The following MYO16 variants were observed in gnomAD, a reference collection of about 807,000 sequenced individuals.
MYO16 encodes unconventional myosin-XVI.
In MYO16, 94 loss-of-function variants were observed where a neutral mutation model predicts 205.3. The ratio of observed to expected loss-of-function variants is 0.46; its 90% CI spans 0.39 to 0.54. The LOEUF (loss-of-function observed/expected upper bound fraction) is 0.54. MYO16 is among the 20% of genes least tolerant of loss of function. MYO16 has a pLI of 0.00. For missense variants in MYO16, 2,315 were observed against 2,387.5 expected (o/e 0.97, Z 0.63); for synonymous variants, 988 against 954.0 (o/e 1.04, Z -0.66).
At chr13:109,156,427 T>C (rs1366776053) in intron 32 of MYO16, among the ~76,000 whole-genome samples, 1 of 152,220 alleles carries the variant, frequency 6.6e-6, no homozygotes, top group African/African-American at 2.4e-5. Context: ...GAATGAGTTA[T>C]AGCCAGTATG....
In MYO16 at chr13:109,055,069, T is replaced by G. The variant is rs373764246; in HGVS notation, c.3072T>G (p.Ser1024=). ...LSKLLKKKGT[S]TFLQRLERGD... Reference sequence around the variant, plus strand: ...AGTTATTAAAAAAGAAAGGAACTTCTACATTTCTTCAAAGATTGGAACGAG... The same window carrying G: ...AGTTATTAAAAAAGAAAGGAACTTCGACATTTCTTCAAAGATTGGAACGAG... The change falls in exon 26 of 35, where the codon TCT becomes TCG. Residue 1024 remains serine (S), a synonymous_variant. Coordinates refer to ENST00000457511, the MANE Select transcript of MYO16 (RefSeq NM_001198950.3). This position sits in a 1 kb window ranked among gnomAD's most constrained non-coding sequence, Gnocchi z 5.0. The G allele has an allele frequency of 1.3e-6, 2 of 1,581,466 alleles. No homozygotes were observed. The highest frequency in any genetic ancestry group is 1.7e-6 in the Non-Finnish European group (2 of 1,163,742).
chr13:108,941,453 GA>G (rs1882717276), intron 16 of MYO16, among the ~76,000 whole-genome samples: 1 of 152,022 alleles, frequency 6.6e-6, no homozygotes, highest in Non-Finnish European at 1.5e-5. Flanking sequence ...GAGGCGGGTG[GA>G]CCATTTGAGG....
chr13:108,858,070 T>C (rs1425807420), intron 11 of MYO16, among the ~76,000 whole-genome samples: 1 of 152,212 alleles, frequency 6.6e-6, no homozygotes, highest in African/African-American at 2.4e-5. Context: ...TTAAACATTA[T>C]GGATTAAATG....
intron 21 of MYO16, among the ~76,000 whole-genome samples, chr13:108,997,338 A>AAGAGAGAGAGAGAGAGAG (rs869174444): frequency 7.2e-4 from 4 of 5,540 alleles, no homozygotes; most frequent in African/African-American, 2.8e-3. Context: ...GAAAGAAAGA[A>AAGAGAGAGAGAGAGAGAG]AGAGAGAGAG....
chr13:108,588,754 G>A, the MYO16 span, among the ~76,000 whole-genome samples: 4 of 152,042 alleles, frequency 2.6e-5, no homozygotes, highest in East Asian at 1.9e-4. Flanking sequence ...TTAGTGAGAG[G>A]CCTTGGACAT....
intron 1 of MYO16, among the ~76,000 whole-genome samples, chr13:108,615,875 A>G (rs1026884575): frequency 6.6e-6 from 1 of 152,192 alleles, no homozygotes; most frequent in Admixed American, 6.5e-5. Context: ...TATAAAAGTG[A>G]AATACGCATA....
intron 11 of MYO16, among the ~76,000 whole-genome samples, chr13:108,862,230 T>C (rs1473371103): frequency 6.6e-6 from 1 of 152,158 alleles, no homozygotes; most frequent in Non-Finnish European, 1.5e-5. Flanking sequence ...AAATTCTGAA[T>C]GTTAAAATCC....
At chr13:108,812,897 G>T (rs898488332) in intron 7 of MYO16, among the ~76,000 whole-genome samples, 1 of 152,156 alleles carries the variant, frequency 6.6e-6, no homozygotes, top group Non-Finnish European at 1.5e-5. Context: ...CATCTTGAAA[G>T]AAGAGAGACT....
chr13:108,869,011 C>A (rs1878871871), intron 12 of MYO16, among the ~76,000 whole-genome samples: 1 of 151,882 alleles, frequency 6.6e-6, no homozygotes, highest in African/African-American at 2.4e-5. Flanking sequence ...AATTTCCATT[C>A]AGTTTGATTG....
chr13:108,647,766 C>G (rs1399778167), intron 1 of MYO16, among the ~76,000 whole-genome samples: 1 of 152,186 alleles, frequency 6.6e-6, no homozygotes, highest in African/African-American at 2.4e-5. Flanking sequence ...TCTTCTTTAT[C>G]CTACTTGGTA....
chr13:108,853,120 G>A (rs376256408), intron 10 of MYO16, among the ~76,000 whole-genome samples: 7 of 152,336 alleles, frequency 4.6e-5, no homozygotes, highest in South Asian at 2.1e-4. Flanking sequence ...TAAGGGCTAC[G>A]CCGAAGGCAG....
chr13:109,033,219 C>G (rs1440196945), intron 23 of MYO16, among the ~76,000 whole-genome samples: 1 of 152,126 alleles, frequency 6.6e-6, no homozygotes, highest in Non-Finnish European at 1.5e-5. Flanking sequence ...CCTCTCGTCT[C>G]TCTGTTCTGT....
At chr13:108,771,876 A>G (rs1885977188) in intron 4 of MYO16, among the ~76,000 whole-genome samples, 1 of 152,078 alleles carries the variant, frequency 6.6e-6, no homozygotes, top group African/African-American at 2.4e-5. Flanking sequence ...TGGATGTACC[A>G]CAGTTTTATT....
intron 32 of MYO16, among the ~76,000 whole-genome samples, chr13:109,158,140 C>A (rs919779042): frequency 1.3e-5 from 2 of 152,072 alleles, no homozygotes; most frequent in Non-Finnish European, 2.9e-5. Context: ...GTGGCCACTG[C>A]GCTCCAGGGC....
chr13:108,794,118 C>T (rs555250211), intron 6 of MYO16, among the ~76,000 whole-genome samples: 1 of 152,224 alleles, frequency 6.6e-6, no homozygotes, highest in East Asian at 1.9e-4. Flanking sequence ...TAAGTGGGAG[C>T]TAAACACTGA....
chr13:108,893,198 C>T (rs186258839), intron 14 of MYO16, among the ~76,000 whole-genome samples: 5 of 152,116 alleles, frequency 3.3e-5, no homozygotes, highest in East Asian at 1.9e-4. Flanking sequence ...GTAAATCATC[C>T]GAGTATATGT....
At chr13:108,504,171 G>A in the MYO16 span, among the ~76,000 whole-genome samples, 4 of 152,126 alleles carry the variant, frequency 2.6e-5, no homozygotes, top group African/African-American at 4.8e-5. Context: ...ACCCAGACTG[G>A]AGTGCAGTGG....
At chr13:108,533,739 A>G in the MYO16 span, among the ~76,000 whole-genome samples, 2 of 152,212 alleles carry the variant, frequency 1.3e-5, no homozygotes, top group Admixed American at 6.5e-5. Context: ...AAAAATAAAG[A>G]TTTCCATTCG....
In MYO16 at chr13:108,785,721, G is replaced by A; in HGVS notation, c.594G>A (p.Leu198=). Residue 198 remains leucine, a synonymous_variant, in exon 5 of 35, where the codon CTG becomes CTA. Transcript: ENST00000457511. ...AAGGGACAGAATCCAGCTCTATCCT[G>A]TTGACCTATCTGGATGAAAATGGTA... ...AVEGTESSSI[L]LTYLDENGVD... 1.2e-6 allele frequency: 2 copies of A among 1,609,098 alleles called. No homozygotes were observed. The highest frequency in any genetic ancestry group is 3.4e-5 in the Admixed American group (2 of 59,158).
Sources: allele counts gnomAD v4.1 joint callset (sites outside exome capture counted in the v4.1 genomes callset), GRCh38; gene constraint gnomAD v4.1.1; non-coding constraint Gnocchi (gnomAD v3.1); transcripts MANE v1.5; gene names NCBI Gene and HGNC (gene_info 2026-07-23, HGNC 2026-07-21).